Variants in IFT52 observed in about 807,000 individuals in gnomAD.
IFT52 encodes intraflagellar transport protein 52 homolog.
Under a neutral mutation model 54.4 loss-of-function variants are expected in IFT52, and 44 were observed. The observed-to-expected ratio is 0.81, with a 90% confidence interval of 0.63 to 1.04. IFT52 has a LOEUF of 1.04. IFT52 is among the 50% of genes least tolerant of loss of function. The pLI, the probability that IFT52 is intolerant of heterozygous loss-of-function variation, is 0.00. For synonymous variants in IFT52, 181 were observed against 185.3 expected (o/e 0.98, Z 0.19); for missense variants, 452 against 523.6 (o/e 0.86, Z 1.33).
chr20:43,596,419 A>T lies in IFT52; in HGVS notation c.120-16A>T. The T allele has an allele frequency of 6.6e-7, 1 of 1,509,444 alleles. No individual in the cohort carries two copies. Among genetic ancestry groups the T allele is most frequent in the Non-Finnish European group, 9.1e-7 (1 of 1,093,062 alleles). The allele number at this position is 1,509,444 out of a possible 1,614,324, so 93.5% of individuals were successfully genotyped here. On this transcript the variant is annotated splice_polypyrimidine_tract_variant and intron_variant, in intron 2 of 13. Coordinates refer to ENST00000373030, the MANE Select transcript of IFT52 (RefSeq NM_016004.5). ...AATTATGGACTTCATATTTGCTTTT[A>T]AAATTGTATTTCCAGCTTAAAAGAT...
intron 10 of IFT52, among the ~76,000 whole-genome samples, chr20:43,629,951 G>A (rs1985041458): frequency 6.6e-6 from 1 of 152,148 alleles, no homozygotes; most frequent in South Asian, 2.1e-4. Flanking sequence ...TGAATTTGAA[G>A]CCAGGCAATT....
intron 6 of IFT52, among the ~76,000 whole-genome samples, chr20:43,611,626 C>G (rs1413783320): frequency 6.6e-6 from 1 of 151,514 alleles, no homozygotes; most frequent in Non-Finnish European, 1.5e-5. Flanking sequence ...TGAGTAGAGA[C>G]AGGGCTTCAC....
Position 43,605,575 on chromosome 20 carries a change from T to G in IFT52, c.485+502T>G, listed in dbSNP as rs1017435800. ...AAATATATAGTATGGTATTTAGATT[T>G]CTAGGTTTTTTTTTTTCCATGTATA... On this transcript the variant is annotated intron_variant, in intron 6 of 13. Transcript: ENST00000373030. 1.1e-4 allele frequency among the ~76,000 whole-genome samples: 17 copies of G among 152,024 alleles called. 1 individual carries two copies. Among genetic ancestry groups the G allele is most frequent in the African/African-American group, 4.1e-4 (17 of 41,410 alleles).
intron 1 of IFT52, among the ~76,000 whole-genome samples, chr20:43,592,432 C>T (rs927187891): frequency 6.6e-6 from 1 of 151,660 alleles, no homozygotes; most frequent in African/African-American, 2.4e-5. Context: ...ACGAATTAGC[C>T]GGGTGTGTTT....
chr20:43,606,701 G>A (rs1320235293), intron 6 of IFT52, among the ~76,000 whole-genome samples: 4 of 152,156 alleles, frequency 2.6e-5, no homozygotes, highest in Admixed American at 1.3e-4. Context: ...GTGAACAAAG[G>A]TCTCTGGTTT....
At chr20:43,611,441 CTTTTTTTT>C (rs11469500) in intron 6 of IFT52, among the ~76,000 whole-genome samples, 3 of 55,078 alleles carry the variant, frequency 5.4e-5, no homozygotes, top group Non-Finnish European at 6.2e-5. Flanking sequence ...AAATGTCAGT[CTTTTTTTT>C]TTTTTTTTTT....
chr20:43,603,279 A>G (rs1982598804), intron 3 of IFT52, among the ~76,000 whole-genome samples: 1 of 152,200 alleles, frequency 6.6e-6, no homozygotes, highest in East Asian at 1.9e-4. Context: ...CAGGTGTGGT[A>G]TGAAATGACT....
At position 43,637,164 on chromosome 20, in the gene IFT52, G is replaced by A. The variant is rs145627647; in HGVS notation, c.1031G>A (p.Arg344Gln). Residue 344 changes from arginine to glutamine, a missense_variant, in exon 12 of 14, where the codon CGG becomes CAG. Physicochemically the swap from Arg to Gln is conservative, Grantham distance 43. Coordinates refer to ENST00000373030, the MANE Select transcript of IFT52 (RefSeq NM_016004.5). ...LQPAVFPPSF[R>Q]ELPPPPLELF... The stretch of plus-strand genomic sequence containing the variant: ...TTTTAGGTTTTTCCTCCCAGTTTCC[G>A]GGAGTTACCACCTCCTCCTCTGGAG... 1.1e-3 allele frequency: 1,839 copies of A among 1,611,174 alleles called. 4 individuals are homozygous for A. Among genetic ancestry groups the A allele is most frequent in the Non-Finnish European group, 1.4e-3 (1,626 of 1,178,042 alleles).
intron 13 of IFT52, among the ~76,000 whole-genome samples, chr20:43,646,044 T>C (rs1049547759): frequency 5.3e-5 from 8 of 150,740 alleles, no homozygotes; most frequent in African/African-American, 2.0e-4. Flanking sequence ...CCGTCTCCAC[T>C]ACAAATACAA....
intron 6 of IFT52, among the ~76,000 whole-genome samples, chr20:43,608,655 A>G (rs1412966436): frequency 1.3e-5 from 2 of 152,220 alleles, no homozygotes; most frequent in Non-Finnish European, 2.9e-5. Flanking sequence ...CTATAATCCC[A>G]ACACTTTGGG....
intron 11 of IFT52, among the ~76,000 whole-genome samples, chr20:43,636,944 C>G (rs1466005701): frequency 6.6e-6 from 1 of 152,126 alleles, no homozygotes; most frequent in South Asian, 2.1e-4. Flanking sequence ...ATTTCATCCT[C>G]AGGGAAGAGC....
rs541085352 is a variant in IFT52 at position 43,643,099 on chromosome 20, A to T, written c.1266+475A>T. Among the ~76,000 whole-genome samples the T allele has an allele frequency of 2.0e-5, 3 of 151,590 alleles. No homozygotes were observed. The South Asian group carries it at 6.3e-4, about 32-fold the overall frequency. ...GATGAATCACTTGAACCCAGAAGGC[A>T]GAGGTTGTGGTGAGCTGAGATCGTG... On this transcript the variant is annotated intron_variant, in intron 13 of 13. Transcript: ENST00000373030.
intron 9 of IFT52, among the ~76,000 whole-genome samples, chr20:43,622,691 GTAAATA>G: frequency 6.9e-6 from 1 of 144,090 alleles, no homozygotes; most frequent in South Asian, 2.2e-4. Flanking sequence ...CATATTTTAT[GTAAATA>G]TAAATATATA....
chr20:43,607,425 C>G (rs933919354), intron 6 of IFT52, among the ~76,000 whole-genome samples: 1 of 148,996 alleles, frequency 6.7e-6, no homozygotes, highest in Non-Finnish European at 1.5e-5. Context: ...GGGCGGCTGC[C>G]GGGCGGAGGG....
intron 9 of IFT52, among the ~76,000 whole-genome samples, chr20:43,621,875 T>C (rs1224542620): frequency 1.3e-5 from 2 of 152,212 alleles, no homozygotes; most frequent in African/African-American, 4.8e-5. Context: ...TTGTATGCCA[T>C]ATACTTCCAC....
rs553154610 is a variant in IFT52, at chr20:43,644,338, T to C, written c.1266+1714T>C. The stretch of plus-strand genomic sequence containing the variant: ...TATATACCGTTGACCCATTCTAATC[T>C]TCAGAATTTGTTTTAATAATATAAT... On this transcript the variant is annotated intron_variant, in intron 13 of 13. Transcript: ENST00000373030. Among the ~76,000 whole-genome samples, 2 of 58,650 alleles carry C rather than the reference T, an allele frequency of 3.4e-5. 1 individual carries two copies. The highest frequency in any genetic ancestry group is 1.1e-3 in the East Asian group (2 of 1,778). The allele number at this position is 58,650 out of a possible 152,430, so 38.5% of individuals were successfully genotyped here.
chr20:43,599,689 C>G (rs1292598753), intron 3 of IFT52, among the ~76,000 whole-genome samples: 2 of 152,130 alleles, frequency 1.3e-5, no homozygotes, highest in Non-Finnish European at 2.9e-5. Context: ...TTCATGTTGA[C>G]TTCCAGAAAC....
rs1244065657 is a variant in IFT52 at position 43,596,546 on chromosome 20, G to A, written c.207+24G>A. On this transcript the variant is annotated intron_variant, in intron 3 of 13. Transcript: ENST00000373030. ...AGGTAAGAAATATCCACTAAAGAAGGAATATGGTGAAATGATTAGGAGTCT... is the reference window on the plus strand; with the variant it reads ...AGGTAAGAAATATCCACTAAAGAAGAAATATGGTGAAATGATTAGGAGTCT... 4 of 1,444,698 alleles carry A rather than the reference G, an allele frequency of 2.8e-6. No homozygotes were observed. In the African/African-American group the frequency reaches 5.6e-5, roughly 20 times the overall value. 89.5% of individuals were successfully genotyped at this position (1,444,698 alleles called of 1,614,324 possible).
chr20:43,617,355 G>A (rs1167395650), intron 7 of IFT52, among the ~76,000 whole-genome samples: 1 of 151,194 alleles, frequency 6.6e-6, no homozygotes, highest in Non-Finnish European at 1.5e-5. Context: ...AAAGTACTTT[G>A]TTTTTATTTG....
Sources: gnomAD v4.1 joint callset for allele counts (sites outside exome capture counted in the v4.1 genomes callset) on GRCh38, gnomAD v4.1.1 for gene constraint, MANE v1.5 for transcripts, NCBI Gene and HGNC (gene_info 2026-07-23, HGNC 2026-07-21) for gene names.